Variants in UNC13C observed in about 807,000 individuals in gnomAD.
UNC13C encodes protein unc-13 homolog C.
A neutral mutation model predicts 245.4 loss-of-function variants in UNC13C; 174 were observed. The observed-to-expected ratio is 0.71, with a 90% confidence interval of 0.63 to 0.80. The LOEUF is 0.80. UNC13C is among the 30% of genes least tolerant of loss of function. The pLI is 0.00. For missense variants in UNC13C, 2,829 were observed against 2,602.9 expected (o/e 1.09, Z -1.89); for synonymous variants, 992 against 895.1 (o/e 1.11, Z -1.93).
At chr15:54,615,815 C>A (rs1263598911) in intron 30 of UNC13C, among the ~76,000 whole-genome samples, 3 of 151,972 alleles carry the variant, frequency 2.0e-5, no homozygotes, top group African/African-American at 7.2e-5. Flanking sequence ...ACAATCTAAC[C>A]AATTCTGTGG....
chr15:53,915,945 T>C, the UNC13C span, among the ~76,000 whole-genome samples: 8 of 152,252 alleles, frequency 5.3e-5, no homozygotes, highest in Non-Finnish European at 1.0e-4. Context: ...TCCTTGTCTG[T>C]AAAATGAAAA....
chr15:54,305,673 C>T (rs2037707144), intron 13 of UNC13C, among the ~76,000 whole-genome samples: 1 of 151,910 alleles, frequency 6.6e-6, no homozygotes, highest in Admixed American at 6.6e-5. Flanking sequence ...ACCTAGAACG[C>T]AACATTTGAA....
intron 19 of UNC13C, among the ~76,000 whole-genome samples, chr15:54,474,016 T>C (rs1229857839): frequency 1.3e-5 from 2 of 151,962 alleles, no homozygotes; most frequent in Non-Finnish European, 2.9e-5. Context: ...AATGTCATTA[T>C]TTTTATGGCC....
intron 7 of UNC13C, 93 bp from the exon 8 acceptor site, chr15:54,250,132 T>C: frequency 8.9e-6 from 11 of 1,236,548 alleles, no homozygotes; most frequent in Non-Finnish European, 1.3e-5. Context: ...AATACCATTT[T>C]CAGAGAAAAG....
the UNC13C span, among the ~76,000 whole-genome samples, chr15:53,850,082 T>C: frequency 3.9e-5 from 6 of 152,112 alleles, no homozygotes; most frequent in Admixed American, 2.6e-4. Context: ...CCTTAGTTCC[T>C]GTTTGCCTTC....
chr15:53,909,299 G>A, the UNC13C span, among the ~76,000 whole-genome samples: 1 of 146,438 alleles, frequency 6.8e-6, no homozygotes, highest in South Asian at 2.3e-4. Context: ...TTATCATGGA[G>A]ATTTTATTCC....
intron 6 of UNC13C, among the ~76,000 whole-genome samples, chr15:54,237,327 G>C (rs1305737107): frequency 6.6e-6 from 1 of 152,130 alleles, no homozygotes; most frequent in Non-Finnish European, 1.5e-5. Flanking sequence ...GCTAGCCTGA[G>C]GTGGTTGAGG....
Position 54,136,036 on chromosome 15 carries a change from A to G in UNC13C, c.2984-6982A>G, listed in dbSNP as rs981912222. On this transcript the variant is annotated intron_variant, in intron 2 of 32. Coordinates refer to ENST00000260323, the MANE Select transcript of UNC13C (RefSeq NM_001080534.3). Reference sequence around the variant, plus strand: ...TTCAATTATTTCATCGATGTCTTATAGTTTTCAGTGTAGTCTTATAGTTTC... The same window carrying G: ...TTCAATTATTTCATCGATGTCTTATGGTTTTCAGTGTAGTCTTATAGTTTC... Among the ~76,000 whole-genome samples the G allele has an allele frequency of 1.8e-4, 28 of 152,286 alleles. 1 individual carries two copies. Among genetic ancestry groups the G allele is most frequent in the Non-Finnish European group, 3.1e-4 (21 of 68,012 alleles).
intron 4 of UNC13C, among the ~76,000 whole-genome samples, chr15:54,153,663 AACATT>A (rs1171024435): frequency 4.6e-5 from 7 of 152,222 alleles, no homozygotes; most frequent in Non-Finnish European, 8.8e-5. Flanking sequence ...TTTTAAATTT[AACATT>A]ACATTATGTA....
At position 54,603,979 on chromosome 15, in the gene UNC13C, A is replaced by T. The variant is rs544111990; in HGVS notation, c.6107-18348A>T. ...TCCCACTCTTTGTTACCAATATCTA[A>T]ATGTTCTTTCCCACTTATTCAGAGC... On this transcript the variant is annotated intron_variant, in intron 30 of 32. Coordinates refer to ENST00000260323, the MANE Select transcript of UNC13C (RefSeq NM_001080534.3). Among the ~76,000 whole-genome samples, 16 of 152,162 alleles carry T rather than the reference A, an allele frequency of 1.1e-4. No individual in the cohort carries two copies. The South Asian group carries it at 1.5e-3, about 14-fold the overall frequency.
chr15:53,856,026 T>C, the UNC13C span, among the ~76,000 whole-genome samples: 1 of 152,200 alleles, frequency 6.6e-6, no homozygotes, highest in Non-Finnish European at 1.5e-5. Context: ...TGGGAGTGTG[T>C]ATGTGTCCAG....
Position 54,572,801 on chromosome 15 carries a change from T to C in UNC13C, c.6106+4854T>C, listed in dbSNP as rs141827835. Reference sequence around the variant, plus strand: ...ACTGCATTGAATCATTATTTAAGTGTTATTTAATCAAAATGTGTGTTGTAT... The same window carrying C: ...ACTGCATTGAATCATTATTTAAGTGCTATTTAATCAAAATGTGTGTTGTAT... On this transcript the variant is annotated intron_variant, in intron 30 of 32. Transcript: ENST00000260323. 6.9e-3 allele frequency among the ~76,000 whole-genome samples: 1,048 copies of C among 152,314 alleles called. 16 individuals are homozygous for C. Among genetic ancestry groups the C allele is most frequent in the African/African-American group, 0.024 (1,013 of 41,572 alleles).
chr15:53,864,651 A>T, the UNC13C span, among the ~76,000 whole-genome samples: 1 of 152,250 alleles, frequency 6.6e-6, no homozygotes, highest in African/African-American at 2.4e-5. Context: ...TTTTCATCAG[A>T]AGAGGATTGA....
intron 30 of UNC13C, among the ~76,000 whole-genome samples, chr15:54,618,150 C>G (rs939346238): frequency 1.3e-5 from 2 of 152,042 alleles, no homozygotes; most frequent in Admixed American, 1.3e-4. Context: ...CAGTAAGGTG[C>G]TTATTAATCC....
chr15:54,576,526 G>T (rs1897961804), intron 30 of UNC13C, among the ~76,000 whole-genome samples: 1 of 152,208 alleles, frequency 6.6e-6, no homozygotes, highest in Admixed American at 6.5e-5. Flanking sequence ...TCTGGCTGCA[G>T]TTACTGGGTA....
At chr15:53,840,354 G>A in the UNC13C span, among the ~76,000 whole-genome samples, 1 of 152,052 alleles carries the variant, frequency 6.6e-6, no homozygotes, top group African/African-American at 2.4e-5. Flanking sequence ...AGAGATTAAT[G>A]TGCTAAACTC....
intron 19 of UNC13C, among the ~76,000 whole-genome samples, chr15:54,476,979 T>C (rs201861803): frequency 0.28 from 30,051 of 106,436 alleles, 3,645 homozygotes; most frequent in East Asian, 0.46. Flanking sequence ...CCTCTTTTAT[T>C]TCCTTGAGCA....
At chr15:53,926,595 G>A in the UNC13C span, among the ~76,000 whole-genome samples, 33,653 of 152,114 alleles carry the variant, frequency 0.22, 4,705 homozygotes, top group Non-Finnish European at 0.31. Context: ...CACAGTCACT[G>A]GCCTCAAAAA....
intron 17 of UNC13C, among the ~76,000 whole-genome samples, chr15:54,372,120 AGTAT>A (rs1217641569): frequency 1.3e-5 from 2 of 152,180 alleles, no homozygotes; most frequent in Non-Finnish European, 2.9e-5. Flanking sequence ...AAAGCATTAT[AGTAT>A]GTGAGGTAAT....
Sources: gnomAD v4.1 joint callset for allele counts (sites outside exome capture counted in the v4.1 genomes callset) on GRCh38, gnomAD v4.1.1 for gene constraint, MANE v1.5 for transcripts, NCBI Gene and HGNC (gene_info 2026-07-23, HGNC 2026-07-21) for gene names.